DGKK: variants seen among roughly 807,000 people sequenced by gnomAD.
The protein encoded by DGKK is 142 kDa diacylglycerol kinase.
DGKK carries 35 observed loss-of-function variants against 92.2 expected under a neutral mutation model. The observed-to-expected ratio is 0.38, with a 90% CI of 0.29 to 0.50. The LOEUF (loss-of-function observed/expected upper bound fraction) is 0.50. Ranked by LOEUF, DGKK falls within the 20% of genes least tolerant of loss-of-function variation. The pLI is 0.92. For synonymous variants in DGKK, 368 were observed against 360.6 expected, an observed-to-expected ratio of 1.02 and a Z score of -0.23; for missense variants, 910 against 992.2, an observed-to-expected ratio of 0.92 and a Z score of 1.11.
intron 1 of DGKK, among the ~76,000 whole-genome samples, chrX:50,439,906 T>G (rs1175831713): frequency 9.0e-6 from 1 of 111,224 alleles, no homozygotes; most frequent in Non-Finnish European, 1.9e-5. Flanking sequence ...CTTCTGATGA[T>G]AGGTATGAAG....
chrX:50,390,942 T>C (rs1557225475), intron 11 of DGKK, among the ~76,000 whole-genome samples: 1 of 111,874 alleles, frequency 8.9e-6, no homozygotes, highest in African/African-American at 3.2e-5. Context: ...CATCCCTTTT[T>C]TAGTTTCTTT....
chrX:50,414,439 A>G (rs1373953929), intron 4 of DGKK, among the ~76,000 whole-genome samples: 1 of 111,785 alleles, frequency 8.9e-6, no homozygotes, highest in East Asian at 2.8e-4. Flanking sequence ...ATATGTGAAA[A>G]CATCACATTT....
intron 1 of DGKK, among the ~76,000 whole-genome samples, chrX:50,438,829 A>C (rs1926098333): frequency 8.9e-6 from 1 of 111,865 alleles, no homozygotes; most frequent in Admixed American, 9.5e-5. Flanking sequence ...AAGCCAAGGC[A>C]TAACAGAAAA....
intron 7 of DGKK, among the ~76,000 whole-genome samples, chrX:50,401,360 A>G (rs1297400211): frequency 9.0e-6 from 1 of 111,015 alleles, no homozygotes; most frequent in Non-Finnish European, 1.9e-5. Flanking sequence ...GGTCCTTTCA[A>G]AGGTAGCTTT....
chrX:50,437,897 A>G (rs926695829), intron 1 of DGKK, among the ~76,000 whole-genome samples: 2 of 110,944 alleles, frequency 1.8e-5, no homozygotes, highest in South Asian at 7.7e-4. Flanking sequence ...ATTGTGCCCT[A>G]ATCCATATGT....
chrX:50,402,293 C>T (rs1196045015), intron 7 of DGKK, among the ~76,000 whole-genome samples: 2 of 111,128 alleles, frequency 1.8e-5, no homozygotes, highest in African/African-American at 6.6e-5. Flanking sequence ...CCTGTAGTCC[C>T]GGCTACTCTG....
chrX:50,427,577 T>TTAATAATAA (rs75113899), intron 1 of DGKK, among the ~76,000 whole-genome samples: 95 of 98,004 alleles, frequency 9.7e-4, no homozygotes, highest in African/African-American at 2.9e-3. Context: ...ATGCAAGACG[T>TTAATAATAA]TAATAATAAT....
At chrX:50,394,623 T>C (rs1320994202) in intron 8 of DGKK, among the ~76,000 whole-genome samples, 5 of 112,325 alleles carry the variant, frequency 4.5e-5, no homozygotes, top group Non-Finnish European at 9.4e-5. Flanking sequence ...AATCCCTTCA[T>C]TCAATAAATA....
chrX:50,455,443 AT>A (rs1382543738), intron 1 of DGKK, among the ~76,000 whole-genome samples: 8 of 112,222 alleles, frequency 7.1e-5, no homozygotes, highest in Non-Finnish European at 1.1e-4. Context: ...TTAAAATAGA[AT>A]TTTTACATAC....
At chrX:50,371,926 C>T in intron 25 of DGKK, 92 bp from the exon 26 acceptor site, 1 of 524,970 alleles carries the variant, frequency 1.9e-6, no homozygotes, top group East Asian at 3.9e-5. Context: ...TGCTAGTGAC[C>T]AAGAGACCAC....
Position 50,393,298 on chromosome X carries a change from A to G in DGKK, c.1449T>C (p.Asp483=). The G allele has an allele frequency of 8.3e-7, 1 of 1,210,729 alleles. No individual in the cohort carries two copies. ...LVVSSDFWNL[D]WSSACSCPLL... ...AGGGACATGAACAGGCTGATGACCAATCAAGATTCCAGAAGTCTGAAGATA... is the reference window on the plus strand; with the variant it reads ...AGGGACATGAACAGGCTGATGACCAGTCAAGATTCCAGAAGTCTGAAGATA... The change falls in exon 9 of 28, where the codon GAT becomes GAC. Residue 483 remains aspartate, a synonymous_variant. Coordinates refer to ENST00000611977, the MANE Select transcript of DGKK (RefSeq NM_001013742.4).
At chrX:50,452,618 T>C (rs1926522505) in intron 1 of DGKK, among the ~76,000 whole-genome samples, 1 of 112,040 alleles carries the variant, frequency 8.9e-6, no homozygotes, top group Non-Finnish European at 1.9e-5. Context: ...AAATCTGGGC[T>C]CTAACCCTGT....
At chrX:50,433,900 C>T (rs1241414808) in intron 1 of DGKK, among the ~76,000 whole-genome samples, 2 of 111,663 alleles carry the variant, frequency 1.8e-5, no homozygotes, top group Admixed American at 9.4e-5. Flanking sequence ...TCAACCTAAG[C>T]AAGATCACAG....
chrX:50,374,888 A>G, intron 25 of DGKK, 83 bp downstream of exon 25: 1 of 873,420 alleles, frequency 1.1e-6, no homozygotes, highest in Non-Finnish European at 1.6e-6. Flanking sequence ...ACGGGTCTCC[A>G]GTGCCCTTGG....
chrX:50,376,131 ACACATGC>A lies in DGKK; in HGVS notation c.3300_3306del (p.Gln1100HisfsTer8). The A allele has an allele frequency of 8.3e-7, 1 of 1,211,292 alleles. No individual in the cohort carries two copies. The highest frequency in any genetic ancestry group is 1.1e-6 in the Non-Finnish European group (1 of 895,247). The stretch of plus-strand genomic sequence containing the variant: ...GCATTCACAGAACCCATGAGGACAG[ACACATGC>A]TGGTGGATCTTGCTCAGGTCATTAA... On this transcript the variant is annotated frameshift_variant, in exon 24 of 28. Coordinates refer to ENST00000611977, the MANE Select transcript of DGKK (RefSeq NM_001013742.4). LOFTEE classifies it high-confidence loss of function.
At chrX:50,400,513 A>G (rs1380975599) in intron 8 of DGKK, among the ~76,000 whole-genome samples, 2 of 112,372 alleles carry the variant, frequency 1.8e-5, no homozygotes, top group African/African-American at 6.5e-5. Flanking sequence ...AATAATCAAT[A>G]GCTCTGGCAA....
intron 4 of DGKK, among the ~76,000 whole-genome samples, chrX:50,407,718 G>C (rs1226840939): frequency 9.0e-6 from 1 of 111,716 alleles, no homozygotes; most frequent in Admixed American, 9.4e-5. Context: ...AAAGTCACCA[G>C]AACTAGAAGA....
Position 50,380,022 on chromosome X carries a change from G to A in DGKK, c.2713C>T (p.Gln905Ter). The A allele has an allele frequency of 8.3e-7, 1 of 1,211,738 alleles. No homozygotes were observed. Among genetic ancestry groups the A allele is most frequent in the Non-Finnish European group, 1.1e-6 (1 of 895,363 alleles). ...TCTTCCAGTTTCCTGTAAGAGCGCTGCAAAAGTTCTTTGGTTCCCAGAAGG... is the reference window on the plus strand; with the variant it reads ...TCTTCCAGTTTCCTGTAAGAGCGCTACAAAAGTTCTTTGGTTCCCAGAAGG... Reference protein sequence around the residue: ...YGLLGTKELLQRSYRKLEERV... With the variant: ...YGLLGTKELL Residue 905 changes from glutamine to a stop codon, truncating the protein, a stop_gained, in exon 19 of 28, where the codon CAG becomes TAG. Transcript: ENST00000611977. LOFTEE classifies it high-confidence loss of function.
intron 1 of DGKK, among the ~76,000 whole-genome samples, chrX:50,459,709 T>C (rs1245470314): frequency 9.0e-6 from 1 of 111,315 alleles, no homozygotes; most frequent in Admixed American, 9.6e-5. Context: ...CAAAGAGAGT[T>C]AAGTAGTTTG....
Sources: allele counts gnomAD v4.1 joint callset (sites outside exome capture counted in the v4.1 genomes callset), GRCh38; gene constraint gnomAD v4.1.1; transcripts MANE v1.5; gene names NCBI Gene and HGNC (gene_info 2026-07-23, HGNC 2026-07-21).